The following DAB2IP variants were observed in gnomAD, a reference collection of about 807,000 sequenced individuals.
DAB2IP encodes the protein disabled homolog 2-interacting protein.
DAB2IP carries 28 observed loss-of-function variants against 107.2 expected under a neutral mutation model. That is an observed-to-expected ratio of 0.26 (90% confidence interval 0.19 to 0.36). The LOEUF is 0.36. DAB2IP is among the 10% of genes least tolerant of loss of function. The pLI is 1.00. For synonymous variants in DAB2IP, 755 were observed against 706.4 expected (o/e 1.07, Z -1.09); for missense variants, 1,400 against 1,644.7 (o/e 0.85, Z 2.57).
rs542401355 is a variant in DAB2IP at position 121,763,362 on chromosome 9, A to G, written c.1171-143A>G. The G allele has an allele frequency of 5.8e-6, 7 of 1,211,142 alleles. No homozygotes were observed. The East Asian group carries it at 1.8e-4, about 31-fold the overall frequency. The allele number at this position is 1,211,142 out of a possible 1,614,324, so 75.0% of individuals were successfully genotyped here. A position where few individuals can be genotyped will look rare whatever the true frequency, so the allele number is the denominator to read the frequency against. Reference sequence around the variant, plus strand: ...TCCCCAGCAGCCCCCAAAGGTGGGCACACTGTTCCTCTCCGGGACCCCCGC... The same window carrying G: ...TCCCCAGCAGCCCCCAAAGGTGGGCGCACTGTTCCTCTCCGGGACCCCCGC... On this transcript the variant is annotated intron_variant, in intron 6 of 15. Transcript: ENST00000408936.
chr9:121,683,864 T>G (rs1001025217), intron 2 of DAB2IP, among the ~76,000 whole-genome samples: 34 of 152,010 alleles, frequency 2.2e-4, no homozygotes, highest in Non-Finnish European at 3.8e-4. Context: ...TTTCAGTTAG[T>G]GAAGTGAATA....
At chr9:121,780,341 C>T (rs999074521) in intron 14 of DAB2IP, among the ~76,000 whole-genome samples, 6 of 152,144 alleles carry the variant, frequency 3.9e-5, no homozygotes, top group Admixed American at 6.5e-5. Flanking sequence ...GGGTCCCCCC[C>T]GCCACCACCG....
chr9:121,699,317 G>A lies in DAB2IP; in HGVS notation c.229-8G>A. The A allele has an allele frequency of 1.6e-6, 2 of 1,269,298 alleles. No homozygotes were observed. The highest frequency in any genetic ancestry group is 2.0e-6 in the Non-Finnish European group (2 of 977,968). The allele number at this position is 1,269,298 out of a possible 1,614,324, so 78.6% of individuals were successfully genotyped here. A position where few individuals can be genotyped will look rare whatever the true frequency, so the allele number is the denominator to read the frequency against. ...CTCCCCTTCCCCCTCTTGTCCCCCC[G>A]TGCGCAGGGCTTCCTCAGCCGCCGC... On this transcript the variant is annotated splice_polypyrimidine_tract_variant and splice_region_variant and intron_variant, in intron 2 of 15. Transcript: ENST00000408936. The surrounding 1 kb of genome is among the most constrained non-coding windows in gnomAD (Gnocchi z 6.2).
intron 1 of DAB2IP, among the ~76,000 whole-genome samples, chr9:121,612,719 G>A (rs961783076): frequency 6.6e-6 from 1 of 152,202 alleles, no homozygotes; most frequent in Non-Finnish European, 1.5e-5. Flanking sequence ...TGAAGTTGCT[G>A]TAGACAGCAG....
rs139965205 is a variant in DAB2IP, at chr9:121,624,432, C to G, written c.41-54246C>G. On this transcript the variant is annotated intron_variant, in intron 1 of 16. Transcript: ENST00000259371. ...CAAACCAGCCTTGGACAAGTCAGAT[C>G]ACTTCTCTGAGGCTCAGTTTGCTCA... Among the ~76,000 whole-genome samples the G allele has an allele frequency of 4.1e-3, 630 of 152,360 alleles. 7 individuals are homozygous for G. Among genetic ancestry groups the G allele is most frequent in the African/African-American group, 0.014 (587 of 41,584 alleles).
At position 121,757,306 on chromosome 9, in the gene DAB2IP, C is replaced by T. The variant is rs115532641; in HGVS notation, c.516+140C>T. On this transcript the variant is annotated intron_variant, in intron 4 of 15. Transcript: ENST00000408936. ...CTTGGGGACAGTGGCTAGTAGTTAC[C>T]GATAGCTTTCAGCTCCTAAGAGACC... 1,077 of 1,125,856 alleles carry T rather than the reference C, an allele frequency of 9.6e-4. 12 individuals are homozygous for T. In the African/African-American group the frequency reaches 0.018, roughly 19 times the overall value. The allele number at this position is 1,125,856 out of a possible 1,614,324, so 69.7% of individuals were successfully genotyped here.
At chr9:121,733,180 T>C (rs1285494338) in intron 3 of DAB2IP, among the ~76,000 whole-genome samples, 1 of 152,220 alleles carries the variant, frequency 6.6e-6, no homozygotes, top group African/African-American at 2.4e-5. Context: ...GGCATCCGTC[T>C]CTGGCCCTGT....
At chr9:121,591,093 G>T (rs893117033) in intron 1 of DAB2IP, among the ~76,000 whole-genome samples, 1 of 152,208 alleles carries the variant, frequency 6.6e-6, no homozygotes, top group Non-Finnish European at 1.5e-5. Flanking sequence ...AGGCTGTGTC[G>T]TGGGAAGAAG....
intron 3 of DAB2IP, among the ~76,000 whole-genome samples, chr9:121,700,118 C>G (rs754812705): frequency 6.6e-6 from 1 of 152,194 alleles, no homozygotes; most frequent in Non-Finnish European, 1.5e-5. Flanking sequence ...TTCTCTCCTT[C>G]CCTCACCTCT....
chr9:121,670,792 G>C (rs189490929), intron 1 of DAB2IP, among the ~76,000 whole-genome samples: 10 of 152,148 alleles, frequency 6.6e-5, no homozygotes, highest in Non-Finnish European at 1.2e-4. Flanking sequence ...CGAGGCTGGC[G>C]GATCACTTGA....
intron 6 of DAB2IP, among the ~76,000 whole-genome samples, chr9:121,761,439 G>A (rs1387129208): frequency 6.6e-6 from 1 of 152,236 alleles, no homozygotes; most frequent in Non-Finnish European, 1.5e-5. Context: ...TTAGCTCTGG[G>A]TCGGGGAGGC....
chr9:121,605,434 C>T (rs778227234), intron 1 of DAB2IP, among the ~76,000 whole-genome samples: 2 of 152,162 alleles, frequency 1.3e-5, no homozygotes, highest in African/African-American at 4.8e-5. Flanking sequence ...CAGTGTCAGT[C>T]CCCACCTGCA....
intron 10 of DAB2IP, among the ~76,000 whole-genome samples, chr9:121,770,178 G>A (rs1834605129): frequency 6.6e-6 from 1 of 152,224 alleles, no homozygotes; most frequent in Admixed American, 6.5e-5. Context: ...TGATGTGAGA[G>A]GGGCTGTCAC....
intron 3 of DAB2IP, among the ~76,000 whole-genome samples, chr9:121,755,582 G>A (rs1300201757): frequency 6.6e-6 from 1 of 152,150 alleles, no homozygotes; most frequent in Non-Finnish European, 1.5e-5. Context: ...GACTCCTTAC[G>A]GCATCTAGCA....
intron 3 of DAB2IP, among the ~76,000 whole-genome samples, chr9:121,756,447 ACT>A (rs1203572451): frequency 6.6e-6 from 1 of 151,868 alleles, no homozygotes; most frequent in Non-Finnish European, 1.5e-5. Context: ...CTGCTTCGAG[ACT>A]CGCCTCGCCT....
chr9:121,723,581 C>G (rs781564833), intron 3 of DAB2IP, among the ~76,000 whole-genome samples: 1 of 152,248 alleles, frequency 6.6e-6, no homozygotes, highest in Non-Finnish European at 1.5e-5. Flanking sequence ...GAACTCTCCC[C>G]ACCCTGGTTT....
At chr9:121,747,583 A>G (rs963324376) in intron 3 of DAB2IP, among the ~76,000 whole-genome samples, 3 of 151,964 alleles carry the variant, frequency 2.0e-5, no homozygotes, top group East Asian at 1.9e-4. Flanking sequence ...TCCTGACCTC[A>G]TGATCCACCT....
exon 1 of DAB2IP, chr9:121,567,178 G>A (rs750089842): frequency 1.2e-6 from 2 of 1,614,046 alleles, no homozygotes; most frequent in Non-Finnish European, 1.7e-6. Context: ...GGGGCTGGGG[G>A]CCCACACGCC....
At chr9:121,609,484 C>T (rs1422943715) in intron 1 of DAB2IP, among the ~76,000 whole-genome samples, 1 of 152,212 alleles carries the variant, frequency 6.6e-6, no homozygotes, top group African/African-American at 2.4e-5. Context: ...CCATTCGGCT[C>T]CCAACTTCTC....
Sources: gnomAD v4.1 joint callset for allele counts (sites outside exome capture counted in the v4.1 genomes callset) on GRCh38, gnomAD v4.1.1 for gene constraint, Gnocchi (gnomAD v3.1) non-coding constraint, MANE v1.5 for transcripts, NCBI Gene and HGNC (gene_info 2026-07-23, HGNC 2026-07-21) for gene names.